The following SCAPER variants were observed in gnomAD, a reference collection of about 807,000 sequenced individuals.
The protein encoded by SCAPER is S-phase cyclin A associated protein in the ER.
SCAPER carries 98 observed loss-of-function variants against 182.2 expected under a neutral mutation model. The observed-to-expected ratio is 0.54, with a 90% CI of 0.46 to 0.64. The LOEUF (loss-of-function observed/expected upper bound fraction) is 0.64. SCAPER is among the 30% of genes least tolerant of loss of function. SCAPER has a pLI of 0.00. For synonymous variants in SCAPER, 605 were observed against 564.6 expected (o/e 1.07, Z -1.01); for missense variants, 1,432 against 1,690.0 (o/e 0.85, Z 2.68).
At chr15:76,841,391 A>C (rs2069462106) in intron 5 of SCAPER, among the ~76,000 whole-genome samples, 2 of 152,196 alleles carry the variant, frequency 1.3e-5, no homozygotes, top group African/African-American at 4.8e-5. Context: ...TCATGCCTAT[A>C]ATCACAGCAC....
rs554567086 is a variant in SCAPER at position 76,791,882 on chromosome 15, CA to C, written c.772+3397del. Among the ~76,000 whole-genome samples, 37 of 151,782 alleles carry C rather than the reference CA, an allele frequency of 2.4e-4. 1 individual carries two copies. The highest frequency in any genetic ancestry group is 2.2e-3 in the Admixed American group (34 of 15,290). On this transcript the variant is annotated intron_variant, in intron 8 of 31. Coordinates refer to ENST00000563290, the MANE Select transcript of SCAPER (RefSeq NM_020843.4). ...CATCAAACTTAATAAAATCTCAAAC[CA>C]AACCAAAGGTCACCCAAGTCCTCCC...
intron 21 of SCAPER, among the ~76,000 whole-genome samples, chr15:76,642,253 T>C (rs2054163936): frequency 6.6e-6 from 1 of 152,204 alleles, no homozygotes; most frequent in South Asian, 2.1e-4. Context: ...TAATCTATCC[T>C]AAATTTTCCT....
chr15:76,672,995 A>G (rs1242757843), intron 20 of SCAPER, among the ~76,000 whole-genome samples: 1 of 152,190 alleles, frequency 6.6e-6, no homozygotes, highest in African/African-American at 2.4e-5. Flanking sequence ...GTCACTTACA[A>G]GGAAAAAAAC....
intron 27 of SCAPER, among the ~76,000 whole-genome samples, chr15:76,392,554 A>G (rs1345657868): frequency 1.6e-5 from 2 of 121,326 alleles, no homozygotes; most frequent in East Asian, 5.1e-4. Flanking sequence ...TGGGCAACAT[A>G]GGGAGAGCTC....
intron 21 of SCAPER, among the ~76,000 whole-genome samples, chr15:76,622,666 C>T (rs1371959201): frequency 6.6e-6 from 1 of 152,074 alleles, no homozygotes; most frequent in Non-Finnish European, 1.5e-5. Context: ...GAAATAACTA[C>T]TTGGTAGCTA....
At chr15:76,679,555 A>G (rs1330561719) in intron 20 of SCAPER, among the ~76,000 whole-genome samples, 1 of 152,224 alleles carries the variant, frequency 6.6e-6, no homozygotes, top group African/African-American at 2.4e-5. Flanking sequence ...GTCCCTTTCC[A>G]CAGATGTAGG....
At chr15:76,760,565 C>T (rs2062715739) in intron 14 of SCAPER, among the ~76,000 whole-genome samples, 1 of 152,106 alleles carries the variant, frequency 6.6e-6, no homozygotes, top group Non-Finnish European at 1.5e-5. Flanking sequence ...CTGGCTTTGG[C>T]AATCAACCAA....
chr15:76,586,769 T>C (rs890643444), intron 22 of SCAPER: 1 of 152,550 alleles, frequency 6.6e-6, no homozygotes, highest in Admixed American at 6.6e-5. Context: ...TTTTCTTTTT[T>C]TTTTATGTTC....
chr15:76,811,461 A>T (rs2066617002), intron 5 of SCAPER, among the ~76,000 whole-genome samples: 1 of 152,192 alleles, frequency 6.6e-6, no homozygotes, highest in African/African-American at 2.4e-5. Flanking sequence ...TAAAAAGAGA[A>T]CTTACAAAAA....
rs80347645 is a variant in SCAPER, at chr15:76,860,765, C to A, written c.124+1651G>T. Among the ~76,000 whole-genome samples, 591 of 152,046 alleles carry A rather than the reference C, an allele frequency of 3.9e-3. 15 individuals are homozygous for A. The East Asian group carries it at 0.05, about 13-fold the overall frequency. On this transcript the variant is annotated intron_variant, in intron 3 of 31. Coordinates refer to ENST00000563290, the MANE Select transcript of SCAPER (RefSeq NM_020843.4). ...AAAAAAGATAAAGATTTAAAACATT[C>A]TTTAAAGAAAATTTTAAATAAAATA...
chr15:76,791,729 G>T (rs1026992435), intron 8 of SCAPER, among the ~76,000 whole-genome samples: 1 of 151,964 alleles, frequency 6.6e-6, no homozygotes, highest in African/African-American at 2.4e-5. Flanking sequence ...AAGCTAATGA[G>T]CTAAGCTGAT....
chr15:76,351,269 C>A lies in SCAPER; in HGVS notation c.4067G>T (p.Gly1356Val). Reference sequence around the variant, plus strand: ...TTGGTAAGGCTGGTTTTCCGCTTGACCTGGAGTCTGTGCCAAATCCTGTAT... The same window carrying A: ...TTGGTAAGGCTGGTTTTCCGCTTGAACTGGAGTCTGTGCCAAATCCTGTAT... ...TFIQDLAQTP[G>V]QAENQPYQPK... Residue 1356 changes from glycine to valine, a missense_variant, in exon 31 of 32, where the codon GGT becomes GTT. Coordinates refer to ENST00000563290, the MANE Select transcript of SCAPER (RefSeq NM_020843.4). 6.2e-7 allele frequency: 1 copy of A among 1,610,108 alleles called. No individual in the cohort carries two copies.
At chr15:76,409,773 T>C (rs1162333430) in intron 26 of SCAPER, among the ~76,000 whole-genome samples, 1 of 152,082 alleles carries the variant, frequency 6.6e-6, no homozygotes, top group African/African-American at 2.4e-5. Flanking sequence ...GATATGTTAA[T>C]AATAATTCCC....
At chr15:76,352,741 C>T (rs536439434) in intron 30 of SCAPER, among the ~76,000 whole-genome samples, 16 of 152,072 alleles carry the variant, frequency 1.1e-4, no homozygotes, top group Non-Finnish European at 2.4e-4. Context: ...TGAGCCACCA[C>T]ACCTGGTCCA....
chr15:76,407,214 T>C (rs1008681714), intron 26 of SCAPER, among the ~76,000 whole-genome samples: 3 of 152,184 alleles, frequency 2.0e-5, no homozygotes, highest in African/African-American at 2.4e-5. Context: ...CTAGGCTATA[T>C]GGGATAGCCT....
chr15:76,838,334 T>C (rs1195675736), intron 5 of SCAPER, among the ~76,000 whole-genome samples: 1 of 152,114 alleles, frequency 6.6e-6, no homozygotes, highest in East Asian at 1.9e-4. Flanking sequence ...CTCTTATAAG[T>C]GGGAGCTAAA....
chr15:76,732,654 G>A (rs986886099), intron 16 of SCAPER, among the ~76,000 whole-genome samples: 5 of 152,044 alleles, frequency 3.3e-5, no homozygotes, highest in Admixed American at 3.3e-4. Flanking sequence ...TTTCCCCCGG[G>A]GAGTTTAGAG....
chr15:76,830,361 T>C (rs1568277385), intron 5 of SCAPER, among the ~76,000 whole-genome samples: 1 of 152,098 alleles, frequency 6.6e-6, no homozygotes, highest in Non-Finnish European at 1.5e-5. Context: ...GAGAGACATA[T>C]TTGTCATTTT....
chr15:76,677,115 T>G (rs188171449), intron 20 of SCAPER, among the ~76,000 whole-genome samples: 1 of 152,202 alleles, frequency 6.6e-6, no homozygotes, highest in African/African-American at 2.4e-5. Context: ...AAGACTGACT[T>G]ACTCATTTTC....
Sources: allele counts gnomAD v4.1 joint callset (sites outside exome capture counted in the v4.1 genomes callset), GRCh38; gene constraint gnomAD v4.1.1; transcripts MANE v1.5; gene names NCBI Gene and HGNC (gene_info 2026-07-23, HGNC 2026-07-21).